The following ZNF493 variants were observed in gnomAD, a reference collection of about 807,000 sequenced individuals.
ZNF493 encodes zinc finger protein 493.
Under a neutral mutation model 12.2 loss-of-function variants are expected in ZNF493, and 11 were observed. That is an observed-to-expected ratio of 0.90 (90% CI 0.57 to 1.50). The LOEUF is 1.50. ZNF493 is among the 40% of genes most tolerant of loss of function. The pLI is 0.00. For synonymous variants in ZNF493, 286 were observed against 302.6 expected, an observed-to-expected ratio of 0.95 and a Z score of 0.57; for missense variants, 950 against 906.6, an observed-to-expected ratio of 1.05 and a Z score of -0.61.
intron 3 of ZNF493, 73 bp downstream of exon 3, chr19:21,405,929 A>AAAAC: frequency 1.9e-6 from 2 of 1,062,048 alleles, no homozygotes; most frequent in East Asian, 2.8e-5. Context: ...AAAAAAAAAA[A>AAAAC]GCCAGTCCTG....
intron 3 of ZNF493, among the ~76,000 whole-genome samples, chr19:21,419,102 A>G (rs2030579115): frequency 6.6e-6 from 1 of 152,142 alleles, no homozygotes; most frequent in Admixed American, 6.6e-5. Flanking sequence ...GATGTGGAAG[A>G]CCTTGGCTTG....
At position 21,405,211 on chromosome 19, in the gene ZNF493, A is replaced by G. The variant is rs758040410; in HGVS notation, c.113A>G (p.Tyr38Cys). 1.2e-6 allele frequency: 2 copies of G among 1,613,888 alleles called. No individual in the cohort carries two copies. The highest frequency in any genetic ancestry group is 8.5e-7 in the Non-Finnish European group (1 of 1,179,990). Residue 38 changes from tyrosine to cysteine, a missense_variant, in exon 2 of 4, where the codon TAT becomes TGT. Transcript: ENST00000392288. ...QCLDTAQQDL[Y>C]RKVMLENYRN... ...CTGGACACTGCTCAGCAGGATTTGT[A>G]TAGGAAAGTGATGTTAGAGAACTAC...
intron 3 of ZNF493, among the ~76,000 whole-genome samples, chr19:21,406,749 ATAAT>A (rs2030144301): frequency 1.3e-5 from 2 of 151,448 alleles, no homozygotes; most frequent in Admixed American, 6.6e-5. Flanking sequence ...TTTTTTTCTC[ATAAT>A]TAATTTGGCT....
At chr19:21,409,185 C>T (rs1449838849) in intron 3 of ZNF493, among the ~76,000 whole-genome samples, 1 of 151,910 alleles carries the variant, frequency 6.6e-6, no homozygotes, top group Non-Finnish European at 1.5e-5. Context: ...CACCCTGCCT[C>T]TTGTATATAT....
In ZNF493 at chr19:21,423,281, A is replaced by C. The variant is rs763243197; in HGVS notation, c.622A>C (p.Asn208His). ...GCATAAAAGAATTCATATTAGAGAG[A>C]ATTCTTACCGATGTGAAGAATGTGG... Reference protein sequence around the residue: ...CQHKRIHIRENSYRCEECGKA... With the variant: ...CQHKRIHIREHSYRCEECGKA... The change falls in exon 4 of 4, where the codon AAT becomes CAT. Residue 208 changes from asparagine to histidine, a missense_variant. By Grantham distance (68) the Asn-to-His change is moderately conservative (BLOSUM62 1). Coordinates refer to ENST00000392288, the MANE Select transcript of ZNF493 (RefSeq NM_001076678.3). 5.0e-6 allele frequency: 8 copies of C among 1,613,810 alleles called. No homozygotes were observed. In the Admixed American group the frequency reaches 1.0e-4, roughly 20 times the overall value.
chr19:21,398,547 T>C, intron 1 of ZNF493: 1 of 353,224 alleles, frequency 2.8e-6, no homozygotes. Context: ...CCAAGATAAC[T>C]GCCATGGTTA....
intron 1 of ZNF493, among the ~76,000 whole-genome samples, chr19:21,399,355 T>C (rs1421224718): frequency 6.6e-6 from 1 of 151,652 alleles, no homozygotes; most frequent in East Asian, 1.9e-4. Flanking sequence ...AGAGACAGGG[T>C]TCCACTGTGT....
chr19:21,418,113 C>T (rs758874763), intron 3 of ZNF493, among the ~76,000 whole-genome samples: 5 of 152,086 alleles, frequency 3.3e-5, no homozygotes, highest in African/African-American at 4.8e-5. Context: ...AGGCACTGCT[C>T]GAACAGTCAC....
chr19:21,400,183 G>A (rs184998942), intron 1 of ZNF493, among the ~76,000 whole-genome samples: 2 of 152,274 alleles, frequency 1.3e-5, no homozygotes, highest in East Asian at 1.9e-4. Flanking sequence ...AGTCTGAGGC[G>A]AGTAGATCAC....
intron 1 of ZNF493, among the ~76,000 whole-genome samples, chr19:21,404,921 T>G (rs2030064254): frequency 6.7e-6 from 1 of 148,964 alleles, no homozygotes; most frequent in Admixed American, 6.7e-5. Flanking sequence ...TACAGTGGTG[T>G]TGTAGATCTT....
chr19:21,407,851 G>A, intron 3 of ZNF493: 1 of 985,280 alleles, frequency 1.0e-6, no homozygotes, highest in Non-Finnish European at 1.2e-6. Context: ...CCAGTGCTAT[G>A]TTAAAATAGA....
intron 1 of ZNF493, among the ~76,000 whole-genome samples, chr19:21,402,215 C>G (rs960777404): frequency 5.3e-5 from 8 of 152,158 alleles, no homozygotes; most frequent in Non-Finnish European, 1.2e-4. Flanking sequence ...GATCCACCTG[C>G]CTTGGCCTCC....
In ZNF493 at chr19:21,423,273, T is replaced by C; in HGVS notation, c.614T>C (p.Ile205Thr). 1 of 1,613,766 alleles carries C rather than the reference T, an allele frequency of 6.2e-7. No individual in the cohort carries two copies. Among genetic ancestry groups the C allele is most frequent in the Non-Finnish European group, 8.5e-7 (1 of 1,179,828 alleles). ...LHLCQHKRIH[I>T]RENSYRCEEC... Reference sequence around the variant, plus strand: ...CTATGTCAGCATAAAAGAATTCATATTAGAGAGAATTCTTACCGATGTGAA... The same window carrying C: ...CTATGTCAGCATAAAAGAATTCATACTAGAGAGAATTCTTACCGATGTGAA... Residue 205 changes from isoleucine to threonine, a missense_variant, in exon 4 of 4, where the codon ATT becomes ACT. Physicochemically the swap from Ile to Thr is moderately conservative, Grantham distance 89. Transcript: ENST00000392288.
intron 3 of ZNF493, among the ~76,000 whole-genome samples, chr19:21,419,934 G>A (rs189218012): frequency 2.6e-5 from 4 of 152,222 alleles, no homozygotes; most frequent in Admixed American, 2.0e-4. Context: ...ACCCCCACAT[G>A]ATTCTGACCC....
chr19:21,416,143 T>C (rs1170392038), intron 3 of ZNF493, among the ~76,000 whole-genome samples: 4 of 152,252 alleles, frequency 2.6e-5, no homozygotes, highest in Non-Finnish European at 5.9e-5. Flanking sequence ...TTTAAAGGTA[T>C]AGGTTCTGGA....
In ZNF493 at chr19:21,425,971, C is replaced by T. The variant is rs1054645930; in HGVS notation, c.*987C>T. On this transcript the variant is annotated 3_prime_UTR_variant, in exon 4 of 4. Coordinates refer to ENST00000392288, the MANE Select transcript of ZNF493 (RefSeq NM_001076678.3). Reference sequence around the variant, plus strand: ...AATGTGACAAAGCCTTTAACCAGTCCTCAATTTTTACTAAACATAAGAAAA... The same window carrying T: ...AATGTGACAAAGCCTTTAACCAGTCTTCAATTTTTACTAAACATAAGAAAA... 1.0e-5 allele frequency: 7 copies of T among 668,620 alleles called. No individual in the cohort carries two copies. Among genetic ancestry groups the T allele is most frequent in the Non-Finnish European group, 1.6e-5 (6 of 385,786 alleles). The allele number at this position is 668,620 out of a possible 1,614,324, so 41.4% of individuals were successfully genotyped here. A position where few individuals can be genotyped will look rare whatever the true frequency, so the allele number is the denominator to read the frequency against.
Position 21,405,317 on chromosome 19 carries a change from A to G in ZNF493, c.157+62A>G, listed in dbSNP as rs567706828. ...CTAAAGTTTTCATTTCTCTGTTTTC[A>G]TAGAATAATTTTTGGTAATTTATGC... is the stretch of plus-strand genomic sequence containing the variant. On this transcript the variant is annotated intron_variant, in intron 2 of 3. Transcript: ENST00000392288. The G allele has an allele frequency of 4.4e-5, 68 of 1,558,364 alleles. No homozygotes were observed. The African/African-American group carries it at 9.1e-4, about 21-fold the overall frequency.
intron 3 of ZNF493, among the ~76,000 whole-genome samples, chr19:21,417,255 A>G (rs935027650): frequency 1.3e-5 from 2 of 152,114 alleles, no homozygotes; most frequent in Non-Finnish European, 2.9e-5. Flanking sequence ...TTTTAGTATG[A>G]CCATGCTTCC....
intron 3 of ZNF493, among the ~76,000 whole-genome samples, chr19:21,410,189 TAGGTCTTCC>T (rs1321850096): frequency 5.9e-5 from 9 of 151,676 alleles, no homozygotes; most frequent in Admixed American, 3.9e-4. Context: ...GATGTTCTAA[TAGGTCTTCC>T]AGGTCTTCTG....
Sources: gnomAD v4.1 joint callset for allele counts (sites outside exome capture counted in the v4.1 genomes callset) on GRCh38, gnomAD v4.1.1 for gene constraint, MANE v1.5 for transcripts, NCBI Gene and HGNC (gene_info 2026-07-23, HGNC 2026-07-21) for gene names.